MAGI2: variants seen among roughly 807,000 people sequenced by gnomAD.
MAGI2 encodes the protein membrane-associated guanylate kinase, WW and PDZ domain-containing protein 2.
A neutral mutation model predicts 133.3 loss-of-function variants in MAGI2; 35 were observed. That is an observed-to-expected ratio of 0.26 (90% CI 0.20 to 0.35). The LOEUF (loss-of-function observed/expected upper bound fraction) is 0.35, where lower values mean the gene tolerates loss of function less well. Ranked by LOEUF, MAGI2 falls within the 10% of genes least tolerant of loss-of-function variation. The pLI, the probability that MAGI2 is intolerant of heterozygous loss-of-function variation, is 1.00. For synonymous variants in MAGI2, 729 were observed against 710.6 expected (o/e 1.03, Z -0.41); for missense variants, 1,636 against 1,863.4 (o/e 0.88, Z 2.25).
At chr7:78,790,783 A>T (rs866906106) in intron 2 of MAGI2, among the ~76,000 whole-genome samples, 1 of 152,110 alleles carries the variant, frequency 6.6e-6, no homozygotes, top group African/African-American at 2.4e-5. Flanking sequence ...GCAATAACAA[A>T]GCTTACTCTG....
chr7:79,293,588 A>G (rs1214502245), intron 1 of MAGI2, among the ~76,000 whole-genome samples: 1 of 152,236 alleles, frequency 6.6e-6, no homozygotes. Context: ...TAGGCTTTGC[A>G]GCTAAGCACT....
intron 3 of MAGI2, among the ~76,000 whole-genome samples, chr7:78,526,653 T>A (rs565389217): frequency 2.6e-4 from 40 of 152,276 alleles, no homozygotes; most frequent in Admixed American, 4.6e-4. Context: ...ATGAACAGAT[T>A]CTTTTTTTCA....
intron 2 of MAGI2, among the ~76,000 whole-genome samples, chr7:78,666,619 G>A (rs966018727): frequency 6.6e-6 from 1 of 152,176 alleles, no homozygotes; most frequent in Non-Finnish European, 1.5e-5. Flanking sequence ...GCTGACATCT[G>A]TGAAGAAGCT....
intron 2 of MAGI2, 143 bp from the exon 3 acceptor site, chr7:78,627,382 G>T (rs1808483182): frequency 4.4e-6 from 3 of 681,788 alleles, no homozygotes; most frequent in Non-Finnish European, 6.4e-6. Context: ...CCTTCTGTTT[G>T]TTTGGCAACA....
chr7:78,855,952 A>T (rs572671165), intron 2 of MAGI2, among the ~76,000 whole-genome samples: 9 of 152,098 alleles, frequency 5.9e-5, no homozygotes, highest in African/African-American at 9.7e-5. Context: ...CCATTCTAAC[A>T]GGTGTGAGAT....
At position 78,059,216 on chromosome 7, in the gene MAGI2, G is replaced by T. The variant is rs911053580; in HGVS notation, c.3706+19731C>A. ...TCTGCCTGCCAGTCTTTCCCACCCC[G>T]TTCTGGTTGAATTGGTCTAGGGAGG... is the stretch of plus-strand genomic sequence containing the variant. On this transcript the variant is annotated intron_variant, in intron 21 of 21. Coordinates refer to ENST00000354212, the MANE Select transcript of MAGI2 (RefSeq NM_012301.4). Among the ~76,000 whole-genome samples the T allele has an allele frequency of 5.9e-5, 9 of 152,184 alleles. No individual in the cohort carries two copies. The South Asian group carries it at 1.9e-3, about 32-fold the overall frequency.
At chr7:79,327,208 C>T (rs748666553) in intron 1 of MAGI2, among the ~76,000 whole-genome samples, 14 of 152,114 alleles carry the variant, frequency 9.2e-5, no homozygotes, top group Non-Finnish European at 1.6e-4. Flanking sequence ...ATAGTAATGA[C>T]GATTAACGTT....
At chr7:79,191,853 A>G (rs16886457) in intron 1 of MAGI2, among the ~76,000 whole-genome samples, 1 of 151,598 alleles carries the variant, frequency 6.6e-6, no homozygotes, top group Non-Finnish European at 1.5e-5. Context: ...ACCTTTTTTT[A>G]AAGCACTTAC....
In MAGI2 at chr7:79,171,743, A is replaced by ATATATATATATATATAT. The variant is rs1554394140; in HGVS notation, c.302-164538_302-164537insATATATATATATATATA. On this transcript the variant is annotated intron_variant, in intron 1 of 21. Transcript: ENST00000354212. Reference sequence around the variant, plus strand: ...AAAATTAAGCAAGACAATAGCCAAAAATATATATATATATATATATATATA... The same window carrying ATATATATATATATATAT: ...AAAATTAAGCAAGACAATAGCCAAAATATATATATATATATATATATATATATATATATATATATATA... 4.7e-3 allele frequency among the ~76,000 whole-genome samples: 139 copies of ATATATATATATATATAT among 29,508 alleles called. 52 individuals carry two copies. Among genetic ancestry groups the ATATATATATATATATAT allele is most frequent in the Non-Finnish European group, 0.012 (98 of 7,918 alleles). The allele number at this position is 29,508 out of a possible 152,430, so 19.4% of individuals were successfully genotyped here. A position where few individuals can be genotyped will look rare whatever the true frequency, so the allele number is the denominator to read the frequency against.
At chr7:79,291,645 T>G (rs1836494981) in intron 1 of MAGI2, among the ~76,000 whole-genome samples, 1 of 152,160 alleles carries the variant, frequency 6.6e-6, no homozygotes, top group African/African-American at 2.4e-5. Flanking sequence ...TGTTTTAAAT[T>G]TGTACTTCTA....
intron 21 of MAGI2, among the ~76,000 whole-genome samples, chr7:78,032,077 C>T (rs1809649866): frequency 6.7e-6 from 1 of 149,392 alleles, no homozygotes; most frequent in Admixed American, 6.8e-5. Context: ...GAAAATAGAG[C>T]CCCTGTGCCT....
rs111388809 is a variant in MAGI2 at position 78,691,242 on chromosome 7, T to C, written c.419-64003A>G. Reference sequence around the variant, plus strand: ...CTTACGTGCTTTCATATGGCCCCTCTAGTTGCTATTTATTTCACTCTGTTA... The same window carrying C: ...CTTACGTGCTTTCATATGGCCCCTCCAGTTGCTATTTATTTCACTCTGTTA... On this transcript the variant is annotated intron_variant, in intron 2 of 21. Transcript: ENST00000354212. 5.5e-3 allele frequency among the ~76,000 whole-genome samples: 839 copies of C among 152,298 alleles called. 5 individuals carry two copies. Among genetic ancestry groups the C allele is most frequent in the Non-Finnish European group, 7.3e-3 (495 of 68,022 alleles).
In MAGI2 at chr7:78,625,306, G is replaced by C. The variant is rs140518028; in HGVS notation, c.538+1814C>G. ...AAAAATACATTTCCCAGCCCCCAGAGAAAACATAATTTAAGTATAGTAATT... is the reference window on the plus strand; with the variant it reads ...AAAAATACATTTCCCAGCCCCCAGACAAAACATAATTTAAGTATAGTAATT... On this transcript the variant is annotated intron_variant, in intron 3 of 21. Transcript: ENST00000354212. Among the ~76,000 whole-genome samples the C allele has an allele frequency of 7.8e-3, 1,184 of 151,506 alleles. 14 individuals carry two copies. Among genetic ancestry groups the C allele is most frequent in the African/African-American group, 0.019 (774 of 41,340 alleles).
intron 2 of MAGI2, among the ~76,000 whole-genome samples, chr7:78,716,451 T>C (rs923513624): frequency 3.3e-5 from 5 of 152,204 alleles, no homozygotes; most frequent in Middle Eastern, 3.4e-3. Flanking sequence ...AGCAAAACTG[T>C]TCCTAAGTTA....
intron 2 of MAGI2, among the ~76,000 whole-genome samples, chr7:78,642,623 G>A (rs766693016): frequency 3.3e-5 from 5 of 152,176 alleles, no homozygotes; most frequent in Admixed American, 6.5e-5. Context: ...TGACGAATAT[G>A]TCAAAGTAAG....
chr7:79,272,177 G>C (rs1834927948), intron 1 of MAGI2, among the ~76,000 whole-genome samples: 1 of 151,770 alleles, frequency 6.6e-6, no homozygotes, highest in Non-Finnish European at 1.5e-5. Flanking sequence ...AATAACACTG[G>C]TACATTCACT....
intron 14 of MAGI2, among the ~76,000 whole-genome samples, chr7:78,177,428 A>G (rs112918632): frequency 1.3e-5 from 1 of 76,058 alleles, no homozygotes; most frequent in African/African-American, 3.8e-5. Context: ...GCACACACAC[A>G]CACACACACA....
Position 79,033,661 on chromosome 7 carries a change from T to A in MAGI2, c.302-26455A>T, listed in dbSNP as rs563085373. ...ATTTCTATTGCTAAAATTAAGGGTG[T>A]TCAGGATACATAGTTGGTTAGAAAA... On this transcript the variant is annotated intron_variant, in intron 1 of 21. Transcript: ENST00000354212. Among the ~76,000 whole-genome samples, 12 of 152,296 alleles carry A rather than the reference T, an allele frequency of 7.9e-5. No homozygotes were observed. In the East Asian group the frequency reaches 2.1e-3, roughly 27 times the overall value.
intron 3 of MAGI2, among the ~76,000 whole-genome samples, chr7:78,623,559 A>T (rs11760911): frequency 0.046 from 7,042 of 152,200 alleles, 228 homozygotes; most frequent in East Asian, 0.081. Context: ...TGAAGAAGGT[A>T]CAGCACTAAT....
Sources: allele counts gnomAD v4.1 joint callset (sites outside exome capture counted in the v4.1 genomes callset), GRCh38; gene constraint gnomAD v4.1.1; transcripts MANE v1.5; gene names NCBI Gene and HGNC (gene_info 2026-07-23, HGNC 2026-07-21).